Variants in PRKDC observed in about 807,000 individuals in gnomAD.
PRKDC encodes DNA-dependent protein kinase catalytic subunit.
PRKDC carries 82 observed loss-of-function variants against 486.9 expected under a neutral mutation model. The observed-to-expected ratio is 0.17, with a 90% confidence interval of 0.14 to 0.20. The LOEUF is 0.20. Ranked by LOEUF, PRKDC falls within the 10% of genes least tolerant of loss-of-function variation. The pLI, the probability that PRKDC is intolerant of heterozygous loss-of-function variation, is 1.00. For synonymous variants in PRKDC, 1,895 were observed against 1,837.0 expected, an observed-to-expected ratio of 1.03 and a Z score of -0.81; for missense variants, 4,504 against 5,038.2, an observed-to-expected ratio of 0.89 and a Z score of 3.21.
chr8:47,780,722 G>A (rs1349761387), intron 80 of PRKDC, among the ~76,000 whole-genome samples: 4 of 152,090 alleles, frequency 2.6e-5, no homozygotes, highest in East Asian at 1.9e-4. Flanking sequence ...GGCGGATCAC[G>A]AGGTCAAGAG....
At chr8:47,780,932 G>A (rs760577510) in intron 80 of PRKDC, among the ~76,000 whole-genome samples, 6 of 151,990 alleles carry the variant, frequency 3.9e-5, no homozygotes, top group Admixed American at 1.3e-4. Flanking sequence ...GAGAGACTCT[G>A]TCTCAAAAAA....
chr8:47,891,697 G>A (rs2154501904), intron 31 of PRKDC, among the ~76,000 whole-genome samples: 1 of 152,166 alleles, frequency 6.6e-6, no homozygotes, highest in Admixed American at 6.5e-5. Context: ...TCCAGCCTGG[G>A]CGACGGAGAC....
chr8:47,934,213 T>G, intron 14 of PRKDC, 123 bp from the exon 15 acceptor site: 1 of 1,125,032 alleles, frequency 8.9e-7, no homozygotes, highest in Non-Finnish European at 1.2e-6. Context: ...ACCATATGAT[T>G]AAGGAAGACA....
intron 68 of PRKDC, among the ~76,000 whole-genome samples, chr8:47,808,082 A>G (rs1385503853): frequency 1.3e-5 from 2 of 152,146 alleles, no homozygotes; most frequent in African/African-American, 2.4e-5. Context: ...TTTGCTCCTT[A>G]TATGTCCCAA....
intron 49 of PRKDC, among the ~76,000 whole-genome samples, chr8:47,855,616 T>G (rs1436651317): frequency 6.6e-6 from 1 of 152,220 alleles, no homozygotes; most frequent in Non-Finnish European, 1.5e-5. Flanking sequence ...CCATGCCCCA[T>G]GCATGCACCT....
intron 68 of PRKDC, among the ~76,000 whole-genome samples, chr8:47,809,856 C>T (rs1177909614): frequency 6.6e-6 from 1 of 152,154 alleles, no homozygotes; most frequent in East Asian, 1.9e-4. Flanking sequence ...CTTCCTGTTT[C>T]CTCTCTGTCT....
intron 55 of PRKDC, among the ~76,000 whole-genome samples, chr8:47,839,513 T>C (rs541307508): frequency 1.6e-4 from 24 of 152,262 alleles, no homozygotes; most frequent in Admixed American, 3.9e-4. Flanking sequence ...GGTGGTGTGG[T>C]AGTGCCCGGT....
At position 47,858,936 on chromosome 8, in the gene PRKDC, G is replaced by A. The variant is rs758225299; in HGVS notation, c.6258C>T (p.Asp2086=). 29 of 1,613,526 alleles carry A rather than the reference G, an allele frequency of 1.8e-5. No individual in the cohort carries two copies. Among genetic ancestry groups the A allele is most frequent in the Middle Eastern group, 1.6e-4 (1 of 6,084 alleles). Residue 2086 remains aspartate (D), a synonymous_variant, in exon 47 of 86, where the codon GAC becomes GAT. Coordinates refer to ENST00000314191, the MANE Select transcript of PRKDC (RefSeq NM_006904.7). ...VHDDVLELEM[D]ELNRHECMAP... is the part of the protein sequence containing the mutation. Reference sequence around the variant, plus strand: ...CCATGCACTCATGCCGATTGAGCTCGTCCATCTCCAGCTCCAGCACATCAT... The same window carrying A: ...CCATGCACTCATGCCGATTGAGCTCATCCATCTCCAGCTCCAGCACATCAT...
rs1276091732 is a variant in PRKDC, at chr8:47,902,505, A to G, written c.3269+64T>C. ...GGAAATATGACACACGGATACACAG[A>G]GTGAAACTCCAAGTCACCTTTCAAA... On this transcript the variant is annotated intron_variant, in intron 27 of 85. Transcript: ENST00000314191. 2.6e-6 allele frequency: 3 copies of G among 1,151,172 alleles called. No homozygotes were observed. The East Asian group carries it at 7.7e-5, about 29-fold the overall frequency. 71.3% of individuals were successfully genotyped at this position (1,151,172 alleles called of 1,614,324 possible). A position where few individuals can be genotyped will look rare whatever the true frequency, so the allele number is the denominator to read the frequency against.
chr8:47,834,694 T>C (rs2154499631), intron 58 of PRKDC, among the ~76,000 whole-genome samples: 1 of 148,414 alleles, frequency 6.7e-6, no homozygotes, highest in African/African-American at 2.5e-5. Context: ...GACTTTTTTT[T>C]TTTTTTTTTT....
chr8:47,850,814 T>C (rs913829088), intron 52 of PRKDC, among the ~76,000 whole-genome samples: 1 of 152,170 alleles, frequency 6.6e-6, no homozygotes, highest in Admixed American at 6.5e-5. Flanking sequence ...TACTGACTTC[T>C]TTTTATTTTT....
At chr8:47,928,555 A>AT (rs1433441838) in intron 19 of PRKDC, among the ~76,000 whole-genome samples, 75 of 147,726 alleles carry the variant, frequency 5.1e-4, no homozygotes, top group African/African-American at 1.4e-3. Flanking sequence ...TTATTTATTT[A>AT]TTTATTTTTT....
intron 1 of PRKDC, among the ~76,000 whole-genome samples, chr8:47,959,640 C>T (rs1180906510): frequency 6.6e-6 from 1 of 151,474 alleles, no homozygotes; most frequent in African/African-American, 2.4e-5. Flanking sequence ...GATCGCGCCA[C>T]TTCACTCCAG....
rs1384944646 is a variant in PRKDC at position 47,943,975 on chromosome 8, T to C, written c.776A>G (p.Gln259Arg). ...FNFVLKAIRPQIDLKRYAVPS... is the reference protein window; with the variant it reads ...FNFVLKAIRPRIDLKRYAVPS... ...TATTAATAGTAATATTAATCCTACCTGAGGACGAATTGCCTTTAGTACAAA... is the reference window on the plus strand; with the variant it reads ...TATTAATAGTAATATTAATCCTACCCGAGGACGAATTGCCTTTAGTACAAA... The change falls in exon 8 of 86, where the codon CAG (glutamine) becomes CGG (arginine). Residue 259 changes from glutamine (Q) to arginine (R), a missense_variant and splice_region_variant. Gln to Arg is a conservative substitution (Grantham distance 43). This residue lies in a region of PRKDC where 1,969 missense variants were observed against 2,068.9 expected (regional missense o/e 0.95). Transcript: ENST00000314191. The C allele has an allele frequency of 2.6e-6, 4 of 1,562,686 alleles. No homozygotes were observed. The highest frequency in any genetic ancestry group is 3.5e-6 in the Non-Finnish European group (4 of 1,151,446).
At position 47,773,978 on chromosome 8, in the gene PRKDC, A is replaced by G; in HGVS notation, c.*195T>C. On this transcript the variant is annotated 3_prime_UTR_variant, in exon 86 of 86. Coordinates refer to ENST00000314191, the MANE Select transcript of PRKDC (RefSeq NM_006904.7). Reference sequence around the variant, plus strand: ...ACCTCACCTAATCTTTGATGTTACTATAACCTTATCTTTGATTTAACCCAT... The same window carrying G: ...ACCTCACCTAATCTTTGATGTTACTGTAACCTTATCTTTGATTTAACCCAT... 1 of 569,814 alleles carries G rather than the reference A, an allele frequency of 1.8e-6. No individual in the cohort carries two copies. The highest frequency in any genetic ancestry group is 2.8e-5 in the East Asian group (1 of 35,224). The allele number at this position is 569,814 out of a possible 1,614,324, so 35.3% of individuals were successfully genotyped here.
chr8:47,935,088 AG>A, intron 13 of PRKDC, 30 bp from the exon 14 acceptor site: 4 of 1,402,320 alleles, frequency 2.9e-6, no homozygotes, highest in Non-Finnish European at 3.9e-6. Flanking sequence ...ACAAAAATGA[AG>A]GAAACACTGA....
chr8:47,907,398 A>C (rs992330089), intron 25 of PRKDC, among the ~76,000 whole-genome samples: 1 of 148,978 alleles, frequency 6.7e-6, no homozygotes, highest in Non-Finnish European at 1.5e-5. Context: ...ATACATAGCT[A>C]TATATATATA....
chr8:47,839,326 G>C, intron 55 of PRKDC, 80 bp from the exon 56 acceptor site: 3 of 974,710 alleles, frequency 3.1e-6, no homozygotes, highest in South Asian at 1.4e-5. Context: ...ACACCATCTA[G>C]AATTCAATTT....
chr8:47,882,912 G>A (rs549222917), intron 36 of PRKDC, among the ~76,000 whole-genome samples: 6 of 152,164 alleles, frequency 3.9e-5, no homozygotes, highest in Non-Finnish European at 8.8e-5. Flanking sequence ...TTATGAAATT[G>A]CTGCAAGCCC....
Sources: gnomAD v4.1 joint callset for allele counts (sites outside exome capture counted in the v4.1 genomes callset) on GRCh38, gnomAD v4.1.1 for gene constraint, gnomAD v4.1.1 regional missense constraint, MANE v1.5 for transcripts, NCBI Gene and HGNC (gene_info 2026-07-23, HGNC 2026-07-21) for gene names.